The following RFX8 variants were observed in gnomAD, a reference collection of about 807,000 sequenced individuals.
RFX8 encodes the protein DNA-binding protein RFX8.
A neutral mutation model predicts 54.6 loss-of-function variants in RFX8; 46 were observed. The observed-to-expected ratio is 0.84, with a 90% CI of 0.67 to 1.08. The LOEUF is 1.08. Ranked by LOEUF, RFX8 falls within the 50% of genes least tolerant of loss-of-function variation. The probability of loss-of-function intolerance (pLI) is 0.00; values close to 1 mark genes in which losing one functional copy is unlikely to be tolerated. For missense variants in RFX8, 536 were observed against 562.3 expected, an observed-to-expected ratio of 0.95 and a Z score of 0.47; for synonymous variants, 192 against 209.5, an observed-to-expected ratio of 0.92 and a Z score of 0.72.
chr2:101,439,109 G>A (rs1466825226), intron 2 of RFX8, among the ~76,000 whole-genome samples: 3 of 152,124 alleles, frequency 2.0e-5, no homozygotes, highest in Non-Finnish European at 4.4e-5. Flanking sequence ...CACCACGCCC[G>A]GCCTCATTGT....
rs1685721333 is a variant in RFX8 at position 101,406,133 on chromosome 2, C to CA, written c.814-77dup. On this transcript the variant is annotated intron_variant, in intron 9 of 11. Transcript: ENST00000428343. Reference sequence around the variant, plus strand: ...AGCATAGTATGTTTTCAAATGCACACATTTGTCATGCACACGCATTTTTAA... The same window carrying CA: ...AGCATAGTATGTTTTCAAATGCACACAATTTGTCATGCACACGCATTTTTAA... The CA allele has an allele frequency of 2.4e-5, 19 of 785,814 alleles. No individual in the cohort carries two copies. In the South Asian group the frequency reaches 3.5e-4, roughly 14 times the overall value. 48.7% of individuals were successfully genotyped at this position (785,814 alleles called of 1,614,324 possible).
At chr2:101,405,570 G>C (rs975356170) in intron 10 of RFX8, among the ~76,000 whole-genome samples, 10 of 152,058 alleles carry the variant, frequency 6.6e-5, no homozygotes, top group Admixed American at 4.6e-4. Context: ...GCATACAATG[G>C]CAACTTAATC....
At position 101,397,603 on chromosome 2, in the gene RFX8, T is replaced by G; in HGVS notation, c.1367A>C (p.Asp456Ala). The G allele has an allele frequency of 6.4e-7, 1 of 1,551,082 alleles. No individual in the cohort carries two copies. The highest frequency in any genetic ancestry group is 8.7e-7 in the Non-Finnish European group (1 of 1,146,594). ...DGQQFVIQISDVPQSSEDIYF... is the reference protein window; with the variant it reads ...DGQQFVIQISAVPQSSEDIYF... ...AATATCTTCAGAGCTTTGGGGTACA[T>G]CTGATATCTGAATCACAAATTGTTG... The change falls in exon 12 of 12, where the codon GAT (aspartate) becomes GCT (alanine). Residue 456 changes from aspartate to alanine, a missense_variant. By Grantham distance (126) the Asp-to-Ala change is moderately radical (BLOSUM62 -2). Coordinates refer to ENST00000428343, the MANE Select transcript of RFX8 (RefSeq NM_001145664.2).
Position 101,418,940 on chromosome 2 carries a change from A to G in RFX8, c.262T>C (p.Trp88Arg). Reference protein sequence around the residue: ...RNVEDLLTSFWKSLQQDTVML... With the variant: ...RNVEDLLTSFRKSLQQDTVML... ...ACTGTGTCTTGCTGCAGAGACTTCC[A>G]GAAGGAAGTAAGCAAGTCCTCCACC... Residue 88 changes from tryptophan (W) to arginine (R), a missense_variant, in exon 5 of 12, where the codon TGG becomes CGG. Trp to Arg is a moderately radical substitution (Grantham distance 101). Transcript: ENST00000428343. 1 of 1,549,502 alleles carries G rather than the reference A, an allele frequency of 6.5e-7. No homozygotes were observed. The highest frequency in any genetic ancestry group is 8.7e-7 in the Non-Finnish European group (1 of 1,145,206).
rs1367723695 is a variant in RFX8 at position 101,424,980 on chromosome 2, C to G, written c.73-2508G>C. Among the ~76,000 whole-genome samples, 3 of 151,516 alleles carry G rather than the reference C, an allele frequency of 2.0e-5. No individual in the cohort carries two copies. The East Asian group carries it at 5.8e-4, about 29-fold the overall frequency. Reference sequence around the variant, plus strand: ...TGTATACCTATGTAACAAACCTGCACGTTGTGCACATGTACCCTATAACTT... The same window carrying G: ...TGTATACCTATGTAACAAACCTGCAGGTTGTGCACATGTACCCTATAACTT... On this transcript the variant is annotated intron_variant, in intron 2 of 11. Coordinates refer to ENST00000428343, the MANE Select transcript of RFX8 (RefSeq NM_001145664.2).
chr2:101,406,083 G>C (rs1558837260), intron 9 of RFX8, 26 bp from the exon 10 acceptor site: 5 of 1,334,600 alleles, frequency 3.7e-6, no homozygotes, highest in Non-Finnish European at 5.2e-6. Flanking sequence ...GAGAAAAAAG[G>C]CTGCAGTTTG....
chr2:101,440,581 G>A (rs1688043859), intron 2 of RFX8, among the ~76,000 whole-genome samples: 1 of 152,188 alleles, frequency 6.6e-6, no homozygotes, highest in Non-Finnish European at 1.5e-5. Context: ...TCATGGGGGA[G>A]GGGAGAGCAC....
intron 2 of RFX8, among the ~76,000 whole-genome samples, chr2:101,441,919 A>G (rs1266165375): frequency 1.3e-5 from 2 of 152,230 alleles, no homozygotes; most frequent in African/African-American, 4.8e-5. Context: ...TTGGTATGTT[A>G]GCACTTAAGT....
intron 9 of RFX8, among the ~76,000 whole-genome samples, chr2:101,407,683 C>A (rs1239170903): frequency 2.0e-5 from 3 of 151,778 alleles, no homozygotes; most frequent in African/African-American, 4.8e-5. Context: ...CAGAGCAAGA[C>A]TCCATCTCAA....
chr2:101,450,772 GTTCTT>G, intron 2 of RFX8: 1 of 683,624 alleles, frequency 1.5e-6, no homozygotes, highest in Non-Finnish European at 2.5e-6. Context: ...AAGACTTGGA[GTTCTT>G]CTCCAGGTTT....
In RFX8 at chr2:101,450,826, A is replaced by C. The variant is rs992804388; in HGVS notation, c.72+15951T>G. Reference sequence around the variant, plus strand: ...ATTTCTCTGGAAAAGCTAATCCTTCAGTCTGACCAAGCTCTGTTATGTAGA... The same window carrying C: ...ATTTCTCTGGAAAAGCTAATCCTTCCGTCTGACCAAGCTCTGTTATGTAGA... On this transcript the variant is annotated intron_variant, in intron 2 of 11. Transcript: ENST00000428343. 5.0e-6 allele frequency: 3 copies of C among 604,450 alleles called. No homozygotes were observed. In the African/African-American group the frequency reaches 5.6e-5, roughly 11 times the overall value. 37.4% of individuals were successfully genotyped at this position (604,450 alleles called of 1,614,324 possible). A position where few individuals can be genotyped will look rare whatever the true frequency, so the allele number is the denominator to read the frequency against.
chr2:101,401,482 G>A (rs1378286445), intron 11 of RFX8, among the ~76,000 whole-genome samples: 3 of 152,148 alleles, frequency 2.0e-5, no homozygotes, highest in African/African-American at 4.8e-5. Flanking sequence ...TTGAATGATC[G>A]CACCTGCCTC....
intron 1 of RFX8, among the ~76,000 whole-genome samples, chr2:101,473,298 T>C (rs963513259): frequency 6.6e-6 from 1 of 152,222 alleles, no homozygotes; most frequent in Non-Finnish European, 1.5e-5. Context: ...TCCTGAGTCC[T>C]TTCTTCTAAG....
At chr2:101,417,186 T>C (rs1189264746) in intron 6 of RFX8, among the ~76,000 whole-genome samples, 1 of 152,190 alleles carries the variant, frequency 6.6e-6, no homozygotes, top group African/African-American at 2.4e-5. Context: ...TCATCTACGC[T>C]TACAGAATTT....
chr2:101,432,307 G>A, intron 2 of RFX8, among the ~76,000 whole-genome samples: 1 of 152,192 alleles, frequency 6.6e-6, no homozygotes, highest in Non-Finnish European at 1.5e-5. Flanking sequence ...GGGCTACAAG[G>A]CAGGTGAGCA....
intron 2 of RFX8, among the ~76,000 whole-genome samples, chr2:101,459,976 T>C (rs952665351): frequency 1.3e-5 from 2 of 152,062 alleles, no homozygotes; most frequent in African/African-American, 4.8e-5. Context: ...CCTGGCCGCA[T>C]CCTCGCAGGT....
At chr2:101,400,124 G>A (rs927997961) in intron 11 of RFX8, among the ~76,000 whole-genome samples, 5 of 152,188 alleles carry the variant, frequency 3.3e-5, no homozygotes, top group Admixed American at 1.3e-4. Flanking sequence ...GACTGTCAGC[G>A]TCTGCTCTTC....
At chr2:101,466,327 G>C (rs1228560944) in intron 2 of RFX8, among the ~76,000 whole-genome samples, 1 of 126,924 alleles carries the variant, frequency 7.9e-6, no homozygotes, top group Non-Finnish European at 1.8e-5. Context: ...AAAAAAAAAA[G>C]ATCTTAACCT....
intron 10 of RFX8, among the ~76,000 whole-genome samples, chr2:101,405,634 T>C (rs1301982279): frequency 6.6e-6 from 1 of 152,130 alleles, no homozygotes. Flanking sequence ...TTGTTCTCCA[T>C]CTCAGTTGTC....
Sources: allele counts gnomAD v4.1 joint callset (sites outside exome capture counted in the v4.1 genomes callset), GRCh38; gene constraint gnomAD v4.1.1; transcripts MANE v1.5; gene names NCBI Gene and HGNC (gene_info 2026-07-23, HGNC 2026-07-21).